The following RNF24 variants were observed in gnomAD, a reference collection of about 807,000 sequenced individuals.
RNF24 encodes the protein ring finger protein 24.
Under a neutral mutation model 20.0 loss-of-function variants are expected in RNF24, and 14 were observed. That is an observed-to-expected ratio of 0.70 (90% CI 0.46 to 1.10). RNF24 has a LOEUF of 1.10. Ranked by LOEUF, RNF24 falls within the 50% of genes least tolerant of loss-of-function variation. The pLI is 0.00. For missense variants in RNF24, 124 were observed against 177.6 expected (o/e 0.70, Z 1.71); for synonymous variants, 45 against 61.1 (o/e 0.74, Z 1.23).
chr20:3,967,734 G>A (rs965287621), intron 1 of RNF24, among the ~76,000 whole-genome samples: 3 of 152,148 alleles, frequency 2.0e-5, no homozygotes, highest in African/African-American at 7.2e-5. Flanking sequence ...AGTGGCTCAT[G>A]CCTGTAATCC....
rs1053932813 is a variant in RNF24, at chr20:3,928,462, CTA to C, written c.*5599_*5600del. 5.3e-5 allele frequency: 8 copies of C among 152,036 alleles called. No individual in the cohort carries two copies. Among genetic ancestry groups the C allele is most frequent in the African/African-American group, 1.9e-4 (8 of 41,374 alleles). 9.4% of individuals were successfully genotyped at this position (152,036 alleles called of 1,614,324 possible). ...CAGCGGGGACAAAAATGAACTTAAA[CTA>C]AAAAAATTATTGGCCGGGCGCAGTG... On this transcript the variant is annotated 3_prime_UTR_variant, in exon 6 of 6. Transcript: ENST00000358395.
At chr20:3,988,055 G>A (rs769270119) in intron 1 of RNF24, among the ~76,000 whole-genome samples, 5 of 152,006 alleles carry the variant, frequency 3.3e-5, no homozygotes, top group African/African-American at 7.2e-5. Context: ...GGGCGTGGTC[G>A]CTCATGCCTA....
At chr20:3,937,934 C>T (rs1297430661) in intron 4 of RNF24, among the ~76,000 whole-genome samples, 2 of 152,160 alleles carry the variant, frequency 1.3e-5, no homozygotes, top group Admixed American at 6.5e-5. Flanking sequence ...GTACAAGTAT[C>T]TGGCTGAGTC....
At chr20:4,004,691 T>G (rs1981703475) in intron 1 of RNF24, among the ~76,000 whole-genome samples, 1 of 152,162 alleles carries the variant, frequency 6.6e-6, no homozygotes, top group South Asian at 2.1e-4. Flanking sequence ...AAGGAAGGAT[T>G]CCCCTCTAGA....
intron 2 of RNF24, among the ~76,000 whole-genome samples, chr20:3,952,527 T>C (rs368142104): frequency 1.8e-4 from 28 of 152,012 alleles, no homozygotes; most frequent in Middle Eastern, 3.4e-3. Flanking sequence ...ACACTGCCTT[T>C]ATAATCTTTA....
At chr20:3,944,081 A>G (rs2090988741) in intron 4 of RNF24, among the ~76,000 whole-genome samples, 1 of 152,066 alleles carries the variant, frequency 6.6e-6, no homozygotes, top group African/African-American at 2.4e-5. Context: ...GTGGTGGCGC[A>G]TGCCTATAAT....
intron 1 of RNF24, among the ~76,000 whole-genome samples, chr20:4,006,686 T>C (rs903510814): frequency 1.3e-5 from 2 of 152,252 alleles, no homozygotes; most frequent in African/African-American, 4.8e-5. Flanking sequence ...ATTATCTAAA[T>C]AGCAGTTTCC....
intron 1 of RNF24, among the ~76,000 whole-genome samples, chr20:3,998,704 C>T (rs2147060589): frequency 6.7e-6 from 1 of 149,716 alleles, no homozygotes; most frequent in Admixed American, 6.7e-5. Flanking sequence ...TGCAGTGAGC[C>T]AAGATCACGC....
chr20:3,940,416 GA>G (rs35857615), intron 4 of RNF24, among the ~76,000 whole-genome samples: 11,071 of 142,812 alleles, frequency 0.078, 618 homozygotes, highest in Non-Finnish European at 0.1. Flanking sequence ...AAAAATTACT[GA>G]AAAAAAAAAA....
chr20:4,011,085 T>C (rs1482493752), intron 1 of RNF24, among the ~76,000 whole-genome samples: 3 of 152,172 alleles, frequency 2.0e-5, no homozygotes, highest in Admixed American at 6.5e-5. Flanking sequence ...AGGTACATCA[T>C]GAAATGTCAG....
intron 1 of RNF24, among the ~76,000 whole-genome samples, chr20:3,981,625 C>T (rs1046254875): frequency 1.3e-5 from 2 of 151,928 alleles, no homozygotes; most frequent in African/African-American, 2.4e-5. Flanking sequence ...CCTGCCTCAG[C>T]CTCCCGAGTA....
At chr20:3,978,967 G>T (rs184089748) in intron 1 of RNF24, among the ~76,000 whole-genome samples, 1 of 151,668 alleles carries the variant, frequency 6.6e-6, no homozygotes, top group Non-Finnish European at 1.5e-5. Flanking sequence ...TTAGCCAGGC[G>T]CGGTGGCGTG....
intron 1 of RNF24, among the ~76,000 whole-genome samples, chr20:3,973,687 T>A (rs1978595369): frequency 6.6e-6 from 1 of 151,720 alleles, no homozygotes; most frequent in African/African-American, 2.4e-5. Context: ...CTACAAAAAC[T>A]CACCCAATAT....
rs568686393 is a variant in RNF24, at chr20:3,960,791, T to G, written c.143+3084A>C. On this transcript the variant is annotated intron_variant, in intron 2 of 5. Coordinates refer to ENST00000358395, the MANE Select transcript of RNF24 (RefSeq NM_001134337.3). ...TTAGTGTAACAGATCCTAATTTCTTTGCTTTGTTAGCTTATTTTTAAATTT... is the reference window on the plus strand; with the variant it reads ...TTAGTGTAACAGATCCTAATTTCTTGGCTTTGTTAGCTTATTTTTAAATTT... 3.7e-4 allele frequency among the ~76,000 whole-genome samples: 57 copies of G among 152,346 alleles called. No individual in the cohort carries two copies. The South Asian group carries it at 0.011, about 30-fold the overall frequency.
intron 1 of RNF24, among the ~76,000 whole-genome samples, chr20:3,973,888 T>A (rs142463317): frequency 6.6e-6 from 1 of 152,288 alleles, no homozygotes; most frequent in East Asian, 1.9e-4. Flanking sequence ...CAAGGCATTT[T>A]TTGAAGCCAA....
intron 2 of RNF24, among the ~76,000 whole-genome samples, chr20:3,960,819 T>A (rs114891724): frequency 0.01 from 1,574 of 152,306 alleles, 26 homozygotes; most frequent in African/African-American, 0.032. Context: ...TTAAATTTTT[T>A]AATTTTTATT....
chr20:3,969,521 G>C (rs1459287029), intron 1 of RNF24, among the ~76,000 whole-genome samples: 2 of 142,112 alleles, frequency 1.4e-5, no homozygotes, highest in African/African-American at 5.1e-5. Flanking sequence ...AAAAAAAAAA[G>C]CCCTAATGAA....
At chr20:3,963,804 A>AT in intron 2 of RNF24, 71 bp downstream of exon 2, 1 of 1,332,418 alleles carries the variant, frequency 7.5e-7, no homozygotes, top group Non-Finnish European at 1.0e-6. Flanking sequence ...TTTAAAAAAA[A>AT]TCTGAGGACA....
At chr20:3,972,114 G>A (rs567985813) in intron 1 of RNF24, among the ~76,000 whole-genome samples, 73 of 152,234 alleles carry the variant, frequency 4.8e-4, no homozygotes, top group African/African-American at 1.6e-3. Flanking sequence ...TCCTAAATGT[G>A]CATGCACAAA....
Sources: allele counts gnomAD v4.1 joint callset (sites outside exome capture counted in the v4.1 genomes callset), GRCh38; gene constraint gnomAD v4.1.1; transcripts MANE v1.5; gene names NCBI Gene and HGNC (gene_info 2026-07-23, HGNC 2026-07-21).